The following DOK6 variants were observed in gnomAD, a reference collection of about 807,000 sequenced individuals.
DOK6 encodes the protein downstream of tyrosine kinase 6.
Under a neutral mutation model 44.0 loss-of-function variants are expected in DOK6, and 22 were observed. The ratio of observed to expected loss-of-function variants is 0.50; its 90% CI spans 0.36 to 0.71. The LOEUF is 0.71. Ranked by LOEUF, DOK6 falls within the 30% of genes least tolerant of loss-of-function variation. The pLI is 0.00. For synonymous variants in DOK6, 166 were observed against 145.5 expected (o/e 1.14, Z -1.01); for missense variants, 340 against 416.4 (o/e 0.82, Z 1.60).
At chr18:69,542,634 G>A (rs1982299234) in intron 1 of DOK6, among the ~76,000 whole-genome samples, 2 of 151,406 alleles carry the variant, frequency 1.3e-5, no homozygotes, top group African/African-American at 4.8e-5. Flanking sequence ...TATAAAGTAG[G>A]AAAGAAACAC....
chr18:69,784,443 A>G (rs1208149573), intron 7 of DOK6, among the ~76,000 whole-genome samples: 1 of 151,548 alleles, frequency 6.6e-6, no homozygotes, highest in African/African-American at 2.4e-5. Flanking sequence ...TCATAATATT[A>G]CAGTATCAAA....
At chr18:69,476,409 T>C (rs1980263956) in intron 1 of DOK6, among the ~76,000 whole-genome samples, 1 of 151,654 alleles carries the variant, frequency 6.6e-6, no homozygotes, top group South Asian at 2.1e-4. Flanking sequence ...ATTTTGTTTT[T>C]GTTTTCTCAA....
At chr18:69,832,342 ATTGTTAAACCATCC>A (rs1459094057) in intron 7 of DOK6, among the ~76,000 whole-genome samples, 1 of 152,060 alleles carries the variant, frequency 6.6e-6, no homozygotes, top group African/African-American at 2.4e-5. Flanking sequence ...ATGTTTATTG[ATTGTTAAACCATCC>A]TTGTATCCTG....
intron 1 of DOK6, among the ~76,000 whole-genome samples, chr18:69,450,573 C>T (rs1180382716): frequency 1.4e-5 from 2 of 147,538 alleles, no homozygotes; most frequent in East Asian, 2.0e-4. Flanking sequence ...CACAAAGATA[C>T]TCCTCGAGAA....
At chr18:69,473,744 C>A (rs1980182014) in intron 1 of DOK6, among the ~76,000 whole-genome samples, 1 of 152,148 alleles carries the variant, frequency 6.6e-6, no homozygotes, top group Non-Finnish European at 1.5e-5. Context: ...CATGTTCTTT[C>A]TCAACCAAAT....
At chr18:69,547,081 C>A (rs73453812) in intron 1 of DOK6, among the ~76,000 whole-genome samples, 1 of 151,082 alleles carries the variant, frequency 6.6e-6, no homozygotes, top group Non-Finnish European at 1.5e-5. Context: ...GGTCAGGGAA[C>A]GTACCCTTTT....
At chr18:69,722,347 C>A (rs1252325805) in intron 5 of DOK6, among the ~76,000 whole-genome samples, 2 of 152,174 alleles carry the variant, frequency 1.3e-5, no homozygotes, top group Non-Finnish European at 2.9e-5. Flanking sequence ...TGGGGGACAT[C>A]CTCATTAAGT....
intron 3 of DOK6, among the ~76,000 whole-genome samples, chr18:69,612,995 C>T (rs889772402): frequency 6.6e-6 from 1 of 151,844 alleles, no homozygotes; most frequent in Non-Finnish European, 1.5e-5. Flanking sequence ...AATCCTCCCA[C>T]CTGAAGCTGG....
chr18:69,828,338 G>C (rs1336120456), intron 7 of DOK6, among the ~76,000 whole-genome samples: 1 of 151,450 alleles, frequency 6.6e-6, no homozygotes, highest in Admixed American at 6.6e-5. Context: ...CATTTTACTG[G>C]CTGTCACAGA....
chr18:69,726,677 A>G (rs1401448996), intron 5 of DOK6, among the ~76,000 whole-genome samples: 3 of 145,680 alleles, frequency 2.1e-5, no homozygotes, highest in Admixed American at 7.0e-5. Context: ...GTGTGTATAT[A>G]TACATATATT....
chr18:69,516,870 G>A (rs1434295200), intron 1 of DOK6, among the ~76,000 whole-genome samples: 3 of 146,102 alleles, frequency 2.1e-5, no homozygotes, highest in African/African-American at 5.1e-5. Flanking sequence ...TAGTGAAGAC[G>A]ACCGTTTCAC....
intron 1 of DOK6, among the ~76,000 whole-genome samples, chr18:69,560,292 T>C (rs1337430491): frequency 6.6e-6 from 1 of 152,172 alleles, no homozygotes; most frequent in African/African-American, 2.4e-5. Flanking sequence ...TGAATTCTAA[T>C]ACAAAAGTGT....
At position 69,799,580 on chromosome 18, in the gene DOK6, AG is replaced by A. The variant is rs1192588699; in HGVS notation, c.857-41663del. Reference sequence around the variant, plus strand: ...CCAATATTTTCCTGACAAGCATTCAAGATCACAAAATGCCCCTAGCAAGTCA... The same window carrying A: ...CCAATATTTTCCTGACAAGCATTCAAATCACAAAATGCCCCTAGCAAGTCA... On this transcript the variant is annotated intron_variant, in intron 7 of 7. Coordinates refer to ENST00000382713, the MANE Select transcript of DOK6 (RefSeq NM_152721.6). Among the ~76,000 whole-genome samples, 3 of 152,238 alleles carry A rather than the reference AG, an allele frequency of 2.0e-5. No individual in the cohort carries two copies. In the East Asian group the frequency reaches 5.8e-4, roughly 29 times the overall value.
At chr18:69,596,170 A>G (rs1983735974) in intron 2 of DOK6, among the ~76,000 whole-genome samples, 1 of 152,210 alleles carries the variant, frequency 6.6e-6, no homozygotes, top group Non-Finnish European at 1.5e-5. Flanking sequence ...ATTTAGAACC[A>G]ATGTAAAACA....
chr18:69,780,297 T>C (rs1328380046), intron 7 of DOK6, among the ~76,000 whole-genome samples: 1 of 152,150 alleles, frequency 6.6e-6, no homozygotes, highest in Non-Finnish European at 1.5e-5. Flanking sequence ...TATATTTTCC[T>C]ATTTGAAACA....
chr18:69,471,279 A>AAAAAAG (rs1980097959), intron 1 of DOK6, among the ~76,000 whole-genome samples: 1 of 144,066 alleles, frequency 6.9e-6, no homozygotes, highest in Non-Finnish European at 1.5e-5. Flanking sequence ...AAAAAAAAAA[A>AAAAAAG]GGGGTGATTT....
At chr18:69,609,481 T>TATAA in intron 3 of DOK6, among the ~76,000 whole-genome samples, 1 of 28,166 alleles carries the variant, frequency 3.6e-5, no homozygotes, top group South Asian at 1.7e-3. Flanking sequence ...GGATGGCTAT[T>TATAA]ACAAGAAATA....
intron 1 of DOK6, among the ~76,000 whole-genome samples, chr18:69,479,211 A>AT (rs1467717148): frequency 6.6e-6 from 1 of 152,148 alleles, no homozygotes; most frequent in Non-Finnish European, 1.5e-5. Context: ...GAATGGAGAT[A>AT]TTAAGTTTGT....
intron 1 of DOK6, chr18:69,470,252 G>T (rs1416675367): frequency 6.6e-6 from 1 of 152,218 alleles, no homozygotes; most frequent in African/African-American, 2.4e-5. Context: ...AGAAAGCAAG[G>T]ACTGCCCTTC....
Sources: allele counts gnomAD v4.1 joint callset (sites outside exome capture counted in the v4.1 genomes callset), GRCh38; gene constraint gnomAD v4.1.1; transcripts MANE v1.5; gene names NCBI Gene and HGNC (gene_info 2026-07-23, HGNC 2026-07-21).